Variants in RUNX1 observed in about 807,000 individuals in gnomAD.
The protein encoded by RUNX1 is RUNX family transcription factor 1.
In RUNX1, 19 loss-of-function variants were observed where a neutral mutation model predicts 42.8. That is an observed-to-expected ratio of 0.44 (90% CI 0.31 to 0.65). The LOEUF (loss-of-function observed/expected upper bound fraction) is 0.65, where lower values mean the gene tolerates loss of function less well. RUNX1 is among the 30% of genes least tolerant of loss of function. RUNX1 has a pLI of 0.07. For synonymous variants in RUNX1, 271 were observed against 289.4 expected, an observed-to-expected ratio of 0.94 and a Z score of 0.64; for missense variants, 528 against 672.0, an observed-to-expected ratio of 0.79 and a Z score of 2.37.
chr21:34,928,570 T>C (rs2058414170), intron 2 of RUNX1, among the ~76,000 whole-genome samples: 2 of 151,702 alleles, frequency 1.3e-5, no homozygotes, highest in African/African-American at 4.8e-5. Flanking sequence ...GGTGCATGCC[T>C]GTAAGGAGGC....
chr21:34,794,364 T>C (rs1417019067), intron 8 of RUNX1, among the ~76,000 whole-genome samples: 1 of 152,174 alleles, frequency 6.6e-6, no homozygotes, highest in Non-Finnish European at 1.5e-5. Context: ...CCATTACCAC[T>C]CCTCCTCTCC....
At chr21:35,008,947 C>G (rs1379133331) in intron 2 of RUNX1, among the ~76,000 whole-genome samples, 1 of 152,102 alleles carries the variant, frequency 6.6e-6, no homozygotes, top group Non-Finnish European at 1.5e-5. Flanking sequence ...ACAGCAACAA[C>G]AAAAAACGGA....
intron 5 of RUNX1, among the ~76,000 whole-genome samples, chr21:34,870,650 T>A (rs2146299855): frequency 6.6e-6 from 1 of 152,332 alleles, no homozygotes; most frequent in South Asian, 2.1e-4. Context: ...ACCACTAGGC[T>A]GTACTGCCTA....
chr21:34,932,756 T>C (rs1021579366), intron 2 of RUNX1, among the ~76,000 whole-genome samples: 47 of 152,170 alleles, frequency 3.1e-4, no homozygotes, highest in African/African-American at 1.1e-3. Context: ...CTCTCACTAC[T>C]AAGTGATACA....
chr21:34,877,471 A>G (rs149828307), intron 5 of RUNX1, among the ~76,000 whole-genome samples: 62 of 152,266 alleles, frequency 4.1e-4, no homozygotes, highest in African/African-American at 1.2e-3. Context: ...GGGAGCTGCT[A>G]TCTCTTCCTC....
chr21:34,989,781 T>G (rs777069067), intron 2 of RUNX1, among the ~76,000 whole-genome samples: 1 of 152,222 alleles, frequency 6.6e-6, no homozygotes, highest in Non-Finnish European at 1.5e-5. Flanking sequence ...ACTATAAGCA[T>G]TGGCACGAAG....
At chr21:34,849,411 A>ACT (rs1491445551) in intron 6 of RUNX1, among the ~76,000 whole-genome samples, 1 of 58,152 alleles carries the variant, frequency 1.7e-5, no homozygotes. Context: ...TACTATATAT[A>ACT]ATATATTATA....
rs1293309748 is a variant in RUNX1 at position 34,843,189 on chromosome 21, CACAT to C, written c.614-8592_614-8589del. ...ATGCATGTAAACACATACAGACACA[CACAT>C]ACACAGACACCTGGACACACACACA... On this transcript the variant is annotated intron_variant, in intron 6 of 8. Coordinates refer to ENST00000675419, the MANE Select transcript of RUNX1 (RefSeq NM_001754.5). The surrounding 1 kb of genome is among the most constrained non-coding windows in gnomAD (Gnocchi z 4.8). Among the ~76,000 whole-genome samples the C allele has an allele frequency of 6.6e-5, 10 of 152,074 alleles. No individual in the cohort carries two copies. The highest frequency in any genetic ancestry group is 2.4e-4 in the African/African-American group (10 of 41,388).
At chr21:34,899,287 C>A (rs1490528707) in intron 2 of RUNX1, among the ~76,000 whole-genome samples, 5 of 152,114 alleles carry the variant, frequency 3.3e-5, no homozygotes, top group Non-Finnish European at 7.4e-5. Context: ...AAGCCCTAAT[C>A]CTCTATGTGC....
intron 2 of RUNX1, among the ~76,000 whole-genome samples, chr21:35,042,450 C>T (rs2059365893): frequency 6.6e-6 from 1 of 152,202 alleles, no homozygotes; most frequent in Non-Finnish European, 1.5e-5. Flanking sequence ...ACATCTGCTC[C>T]CAGCTACCTT....
chr21:34,805,260 G>A (rs1341887366), intron 7 of RUNX1, among the ~76,000 whole-genome samples: 1 of 152,146 alleles, frequency 6.6e-6, no homozygotes, highest in Non-Finnish European at 1.5e-5. Context: ...ATGTGTAATT[G>A]GAATACCAGA....
At chr21:34,898,581 A>G (rs2058147901) in intron 2 of RUNX1, among the ~76,000 whole-genome samples, 1 of 152,090 alleles carries the variant, frequency 6.6e-6, no homozygotes, top group Admixed American at 6.6e-5. Context: ...ATCACCGGAG[A>G]GCAGGGGTGT....
chr21:34,888,123 T>TCTACATC, intron 3 of RUNX1: 1 of 1,066,352 alleles, frequency 9.4e-7, no homozygotes, highest in Non-Finnish European at 1.1e-6. Context: ...GCAGCCACTG[T>TCTACATC]CTACATCAGC....
chr21:34,879,890 G>A (rs2057869452), intron 5 of RUNX1, among the ~76,000 whole-genome samples: 1 of 152,158 alleles, frequency 6.6e-6, no homozygotes. Flanking sequence ...ACATGGAGCT[G>A]AAGTAATGCA....
intron 5 of RUNX1, among the ~76,000 whole-genome samples, chr21:34,868,640 GACCCTCTGA>G (rs2057696073): frequency 6.6e-6 from 1 of 152,206 alleles, no homozygotes; most frequent in Admixed American, 6.5e-5. Flanking sequence ...GGTCCAGGGA[GACCCTCTGA>G]ACCTTCACCA....
At chr21:34,830,605 C>T (rs938438187) in intron 7 of RUNX1, among the ~76,000 whole-genome samples, 2 of 152,194 alleles carry the variant, frequency 1.3e-5, no homozygotes, top group African/African-American at 2.4e-5. Context: ...GCCCAGGGAA[C>T]GGCCATCCCA....
intron 2 of RUNX1, among the ~76,000 whole-genome samples, chr21:35,025,657 G>A (rs764854009): frequency 6.6e-6 from 1 of 152,086 alleles, no homozygotes. Flanking sequence ...TTAGGTCAAG[G>A]GGCCTTCAGC....
chr21:34,804,746 T>C (rs2056655346), intron 7 of RUNX1, among the ~76,000 whole-genome samples: 1 of 149,994 alleles, frequency 6.7e-6, no homozygotes, highest in Admixed American at 6.6e-5. Context: ...TGGAAACTTT[T>C]TTTTTTTTTT....
At chr21:34,823,174 C>T (rs1425318036) in intron 7 of RUNX1, among the ~76,000 whole-genome samples, 2 of 152,246 alleles carry the variant, frequency 1.3e-5, no homozygotes, top group Admixed American at 6.5e-5. Flanking sequence ...CAAGTTAGCG[C>T]TGACTCAGCG....
Sources: gnomAD v4.1 joint callset for allele counts (sites outside exome capture counted in the v4.1 genomes callset) on GRCh38, gnomAD v4.1.1 for gene constraint, Gnocchi (gnomAD v3.1) non-coding constraint, MANE v1.5 for transcripts, NCBI Gene and HGNC (gene_info 2026-07-23, HGNC 2026-07-21) for gene names.